Variants in CENPK observed in about 807,000 individuals in gnomAD.
The protein encoded by CENPK is centromere protein K, also known as SoxLZ/Sox6-binding protein Solt.
Under a neutral mutation model 40.9 loss-of-function variants are expected in CENPK, and 46 were observed. That is an observed-to-expected ratio of 1.13 (90% CI 0.89 to 1.44). The LOEUF is 1.44. Ranked by LOEUF, CENPK falls within the 40% of genes most tolerant of loss-of-function variation. The probability of loss-of-function intolerance (pLI) is 0.00; values close to 1 mark genes in which losing one functional copy is unlikely to be tolerated. For synonymous variants in CENPK, 107 were observed against 104.4 expected (o/e 1.02, Z -0.15); for missense variants, 288 against 303.5 (o/e 0.95, Z 0.38).
At chr5:65,497,260 CGGGT>C in the CENPK span, among the ~76,000 whole-genome samples, 3 of 151,432 alleles carry the variant, frequency 2.0e-5, no homozygotes, top group East Asian at 5.9e-4. Flanking sequence ...CCCAGCTACT[CGGGT>C]GGCTAAGGCA....
intron 10 of CENPK, among the ~76,000 whole-genome samples, chr5:65,520,733 G>A (rs1342990383): frequency 1.3e-5 from 2 of 152,070 alleles, no homozygotes; most frequent in African/African-American, 2.4e-5. Context: ...TAAATGAAAC[G>A]CGTTTTCTGA....
chr5:65,545,773 C>G (rs981657982), intron 5 of CENPK, among the ~76,000 whole-genome samples: 1 of 152,148 alleles, frequency 6.6e-6, no homozygotes, highest in Non-Finnish European at 1.5e-5. Flanking sequence ...CCTCCTCAAG[C>G]CTTTGAGGAG....
chr5:65,550,155 A>G lies in CENPK; in HGVS notation c.241+1409T>C, dbSNP rs552023422. ...TGCACTCCAGCCTGAGGGCAGTGCA[A>G]CAGAGCAAGACTCCATCTCAAAAAA... On this transcript the variant is annotated intron_variant, in intron 5 of 10. Coordinates refer to ENST00000396679, the MANE Select transcript of CENPK (RefSeq NM_022145.5). Among the ~76,000 whole-genome samples, 13 of 140,340 alleles carry G rather than the reference A, an allele frequency of 9.3e-5. No homozygotes were observed. The South Asian group carries it at 3.2e-3, about 34-fold the overall frequency. 92.1% of individuals were successfully genotyped at this position (140,340 alleles called of 152,430 possible). A position where few individuals can be genotyped will look rare whatever the true frequency, so the allele number is the denominator to read the frequency against.
chr5:65,550,090 C>A (rs1749701223), intron 5 of CENPK, among the ~76,000 whole-genome samples: 1 of 150,824 alleles, frequency 6.6e-6, no homozygotes. Context: ...ATCACTTGAA[C>A]CCAGGAGGCA....
chr5:65,557,007 T>C (rs1751096146), intron 2 of CENPK, among the ~76,000 whole-genome samples: 5 of 152,244 alleles, frequency 3.3e-5, no homozygotes, highest in Admixed American at 3.3e-4. Context: ...GACACATGAC[T>C]GTACTTACAG....
At chr5:65,521,590 G>T in intron 9 of CENPK, 62 bp from the exon 10 acceptor site, 1 of 1,120,466 alleles carries the variant, frequency 8.9e-7, no homozygotes, top group Non-Finnish European at 1.3e-6. Flanking sequence ...GTGAAATATT[G>T]GACTGTTTTT....
rs1443766369 is a variant in CENPK at position 65,554,942 on chromosome 5, A to G, written c.-35T>C. 1.6e-6 allele frequency: 2 copies of G among 1,264,840 alleles called. No individual in the cohort carries two copies. Among genetic ancestry groups the G allele is most frequent in the Non-Finnish European group, 2.3e-6 (2 of 870,090 alleles). The allele number at this position is 1,264,840 out of a possible 1,614,324, so 78.4% of individuals were successfully genotyped here. A position where few individuals can be genotyped will look rare whatever the true frequency, so the allele number is the denominator to read the frequency against. On this transcript the variant is annotated 5_prime_UTR_variant, in exon 3 of 11. Transcript: ENST00000396679. ...CTTTGTGAATTTTTAGCCTTATAAG[A>G]AAAACTAAAGCAAAAAATATTTATT... is the stretch of plus-strand genomic sequence containing the variant.
At chr5:65,557,785 A>G (rs1022760420) in intron 2 of CENPK, among the ~76,000 whole-genome samples, 1 of 152,236 alleles carries the variant, frequency 6.6e-6, no homozygotes, top group African/African-American at 2.4e-5. Context: ...AATTTATCAC[A>G]ACAATTTTCT....
Position 65,563,163 on chromosome 5 carries a change from T to G in CENPK, c.-207A>C, listed in dbSNP as rs1752348893. The G allele has an allele frequency of 3.7e-6, 4 of 1,076,434 alleles. No individual in the cohort carries two copies. Among genetic ancestry groups the G allele is most frequent in the Non-Finnish European group, 5.2e-6 (4 of 762,232 alleles). The allele number at this position is 1,076,434 out of a possible 1,614,324, so 66.7% of individuals were successfully genotyped here. On this transcript the variant is annotated 5_prime_UTR_variant, in exon 1 of 11. Coordinates refer to ENST00000396679, the MANE Select transcript of CENPK (RefSeq NM_022145.5). ...CAGGAAGCGCTTGCCAGCCCCGGAC[T>G]TCTGCGCGCGCTGCATGCCCATTGG...
At chr5:65,549,194 T>C (rs891340232) in intron 5 of CENPK, among the ~76,000 whole-genome samples, 1 of 152,152 alleles carries the variant, frequency 6.6e-6, no homozygotes, top group Non-Finnish European at 1.5e-5. Context: ...AGCAGTAATA[T>C]TTTGAAAGGA....
At chr5:65,505,244 A>G in the CENPK span, among the ~76,000 whole-genome samples, 3 of 152,118 alleles carry the variant, frequency 2.0e-5, no homozygotes, top group South Asian at 2.1e-4. Context: ...ACCAATGTCT[A>G]TTGTTTCTGA....
chr5:65,532,910 CA>C (rs60713724), intron 6 of CENPK, among the ~76,000 whole-genome samples: 111 of 37,004 alleles, frequency 3.0e-3, no homozygotes, highest in African/African-American at 9.1e-3. Context: ...ACTCCATCTC[CA>C]AAAAAAAAAA....
At chr5:65,499,941 A>G in the CENPK span, among the ~76,000 whole-genome samples, 1 of 94,630 alleles carries the variant, frequency 1.1e-5, no homozygotes, top group East Asian at 2.3e-4. Context: ...TTCTTGCGAT[A>G]GTTTACTGAG....
chr5:65,513,612 A>G (rs527735272), downstream of CENPK, among the ~76,000 whole-genome samples: 2 of 152,304 alleles, frequency 1.3e-5, no homozygotes, highest in Non-Finnish European at 2.9e-5. Flanking sequence ...CATCCCTGGT[A>G]TATCTAAGAA....
chr5:65,536,378 C>T (rs1001350841), intron 6 of CENPK, among the ~76,000 whole-genome samples: 2 of 152,000 alleles, frequency 1.3e-5, no homozygotes, highest in African/African-American at 4.8e-5. Flanking sequence ...CTTTGGGAGG[C>T]CAAGGTGGAA....
chr5:65,555,093 A>G (rs201344975), intron 2 of CENPK, 147 bp from the exon 3 acceptor site: 2 of 497,408 alleles, frequency 4.0e-6, no homozygotes, highest in East Asian at 7.0e-5. Context: ...TAAGGAAAAC[A>G]GACAATAAAA....
At chr5:65,514,673 T>C (rs534292510), downstream of CENPK, among the ~76,000 whole-genome samples, 3 of 152,328 alleles carry the variant, frequency 2.0e-5, no homozygotes, top group African/African-American at 7.2e-5. Flanking sequence ...AATGGTAGAA[T>C]TCACTAGTGA....
At chr5:65,542,187 G>A (rs1168458154) in intron 6 of CENPK, among the ~76,000 whole-genome samples, 1 of 152,192 alleles carries the variant, frequency 6.6e-6, no homozygotes, top group African/African-American at 2.4e-5. Flanking sequence ...CAAATATTTA[G>A]TCCACAGCAG....
chr5:65,521,626 G>A, intron 9 of CENPK, 98 bp from the exon 10 acceptor site: 1 of 855,548 alleles, frequency 1.2e-6, no homozygotes, highest in South Asian at 1.6e-5. Flanking sequence ...CTGAGACAGA[G>A]TTTCATTCTT....
Sources: gnomAD v4.1 joint callset for allele counts (sites outside exome capture counted in the v4.1 genomes callset) on GRCh38, gnomAD v4.1.1 for gene constraint, MANE v1.5 for transcripts, NCBI Gene and HGNC (gene_info 2026-07-23, HGNC 2026-07-21) for gene names.